The following PTPRD variants were observed in gnomAD, a reference collection of about 807,000 sequenced individuals.
The protein encoded by PTPRD is protein tyrosine phosphatase receptor type D, also known as receptor-type tyrosine-protein phosphatase delta.
Under a neutral mutation model 214.5 loss-of-function variants are expected in PTPRD, and 34 were observed. The observed-to-expected ratio is 0.16, with a 90% CI of 0.12 to 0.21. PTPRD has a LOEUF of 0.21. PTPRD is among the 10% of genes least tolerant of loss of function. PTPRD has a pLI of 1.00. For missense variants in PTPRD, 2,545 were observed against 2,398.7 expected, an observed-to-expected ratio of 1.06 and a Z score of -1.27; for synonymous variants, 1,128 against 845.7, an observed-to-expected ratio of 1.33 and a Z score of -5.79.
intron 39 of PTPRD, among the ~76,000 whole-genome samples, chr9:8,365,743 T>C (rs772380505): frequency 8.5e-5 from 13 of 152,132 alleles, no homozygotes; most frequent in Non-Finnish European, 1.8e-4. Flanking sequence ...GCAAAAGCAA[T>C]TGTCTCAAAA....
At chr9:10,224,735 G>T (rs148420329) in intron 3 of PTPRD, among the ~76,000 whole-genome samples, 43 of 151,932 alleles carry the variant, frequency 2.8e-4, no homozygotes, top group East Asian at 9.7e-4. Context: ...CTTCCACTGA[G>T]ACAGGAAGAC....
At chr9:10,053,573 A>G (rs2097571228) in intron 3 of PTPRD, among the ~76,000 whole-genome samples, 1 of 152,162 alleles carries the variant, frequency 6.6e-6, no homozygotes, top group Non-Finnish European at 1.5e-5. Flanking sequence ...ATCAAGAAAC[A>G]ATGACCTCAT....
intron 3 of PTPRD, among the ~76,000 whole-genome samples, chr9:10,200,840 A>G (rs551124051): frequency 6.6e-6 from 1 of 152,250 alleles, no homozygotes; most frequent in East Asian, 1.9e-4. Context: ...CATCTAGCAT[A>G]TTTGCAAAGG....
rs116246959 is a variant in PTPRD, at chr9:10,064,108, G to C, written c.-544-30318C>G. Among the ~76,000 whole-genome samples the C allele has an allele frequency of 9.5e-3, 1,441 of 151,542 alleles. 18 individuals are homozygous for C. The highest frequency in any genetic ancestry group is 0.031 in the African/African-American group (1,287 of 41,320). Reference sequence around the variant, plus strand: ...TTAGGTCTTTTTTTGTCTTCAATGTGTAACTTAAAAGACAATTTTTTTTCA... The same window carrying C: ...TTAGGTCTTTTTTTGTCTTCAATGTCTAACTTAAAAGACAATTTTTTTTCA... On this transcript the variant is annotated intron_variant, in intron 3 of 45. Coordinates refer to ENST00000381196, the MANE Select transcript of PTPRD (RefSeq NM_002839.4).
intron 7 of PTPRD, among the ~76,000 whole-genome samples, chr9:9,598,659 T>A (rs2093543632): frequency 6.6e-6 from 1 of 152,088 alleles, no homozygotes; most frequent in Non-Finnish European, 1.5e-5. Flanking sequence ...TATAAGTTAT[T>A]TACAAAATTT....
At chr9:10,408,722 G>C (rs1379869392) in intron 2 of PTPRD, among the ~76,000 whole-genome samples, 1 of 151,586 alleles carries the variant, frequency 6.6e-6, no homozygotes, top group Non-Finnish European at 1.5e-5. Context: ...TAACAACTTG[G>C]GTTTAATCCT....
chr9:8,515,959 G>A (rs1300268036), intron 21 of PTPRD, among the ~76,000 whole-genome samples: 2 of 152,118 alleles, frequency 1.3e-5, no homozygotes, highest in Middle Eastern at 3.2e-3. Context: ...AATCACCTAA[G>A]GTGACAGCTA....
chr9:10,570,625 T>G (rs970643304), intron 2 of PTPRD, among the ~76,000 whole-genome samples: 1 of 152,060 alleles, frequency 6.6e-6, no homozygotes, highest in African/African-American at 2.4e-5. Flanking sequence ...ATTATTTTAT[T>G]CCATGGCCTG....
At chr9:9,991,472 C>G (rs1048910104) in intron 4 of PTPRD, among the ~76,000 whole-genome samples, 38 of 152,010 alleles carry the variant, frequency 2.5e-4, no homozygotes, top group African/African-American at 9.2e-4. Flanking sequence ...AGCAATTCTC[C>G]TGCCTCAGCC....
At chr9:8,789,934 T>C (rs2096154666) in intron 11 of PTPRD, among the ~76,000 whole-genome samples, 1 of 152,144 alleles carries the variant, frequency 6.6e-6, no homozygotes, top group Non-Finnish European at 1.5e-5. Flanking sequence ...CATATGGAAA[T>C]GACAGATAAA....
chr9:10,256,083 T>G (rs987439191), intron 3 of PTPRD, among the ~76,000 whole-genome samples: 12 of 152,176 alleles, frequency 7.9e-5, no homozygotes, highest in Non-Finnish European at 1.8e-4. Flanking sequence ...AGTCTAGGTG[T>G]GTGCTCTTTA....
intron 14 of PTPRD, among the ~76,000 whole-genome samples, chr9:8,592,671 G>A (rs2094198115): frequency 6.6e-6 from 1 of 152,100 alleles, no homozygotes; most frequent in Non-Finnish European, 1.5e-5. Flanking sequence ...TGAATATCGT[G>A]GTTACTGAGT....
intron 10 of PTPRD, among the ~76,000 whole-genome samples, chr9:9,027,847 C>T (rs1173872505): frequency 6.6e-6 from 1 of 151,916 alleles, no homozygotes; most frequent in Non-Finnish European, 1.5e-5. Context: ...GAATCATGCC[C>T]TTCAAACTAA....
intron 3 of PTPRD, among the ~76,000 whole-genome samples, chr9:10,118,530 G>A (rs1313477423): frequency 6.6e-6 from 1 of 151,492 alleles, no homozygotes; most frequent in Non-Finnish European, 1.5e-5. Flanking sequence ...ATAGGCTATC[G>A]TTATTATCAG....
At chr9:10,605,149 C>A (rs2078968250) in intron 2 of PTPRD, among the ~76,000 whole-genome samples, 1 of 151,776 alleles carries the variant, frequency 6.6e-6, no homozygotes, top group Admixed American at 6.6e-5. Context: ...ATCCAAAGTA[C>A]ACATTATAAG....
chr9:10,016,669 G>GTT (rs2096722244), intron 4 of PTPRD, among the ~76,000 whole-genome samples: 1 of 142,612 alleles, frequency 7.0e-6, no homozygotes, highest in Non-Finnish European at 1.6e-5. Context: ...GCCTCCTGTG[G>GTT]GTTGTTTTTT....
At chr9:8,812,411 G>C (rs988032300) in intron 11 of PTPRD, among the ~76,000 whole-genome samples, 2 of 152,178 alleles carry the variant, frequency 1.3e-5, no homozygotes, top group Admixed American at 6.5e-5. Context: ...AAGTTTCCAT[G>C]TATCTGCTAA....
intron 9 of PTPRD, among the ~76,000 whole-genome samples, chr9:9,231,670 T>A (rs1385745395): frequency 6.6e-6 from 1 of 152,164 alleles, no homozygotes; most frequent in African/African-American, 2.4e-5. Context: ...GTAATCTCTA[T>A]TAAGTATATA....
intron 3 of PTPRD, among the ~76,000 whole-genome samples, chr9:10,220,127 GC>G (rs2099562040): frequency 6.6e-6 from 1 of 151,692 alleles, no homozygotes; most frequent in Non-Finnish European, 1.5e-5. Context: ...AAAAAGACTA[GC>G]ATTAAAATTT....
Sources: allele counts gnomAD v4.1 joint callset (sites outside exome capture counted in the v4.1 genomes callset), GRCh38; gene constraint gnomAD v4.1.1; transcripts MANE v1.5; gene names NCBI Gene and HGNC (gene_info 2026-07-23, HGNC 2026-07-21).